The following ZNF521 variants were observed in gnomAD, a reference collection of about 807,000 sequenced individuals.
The protein encoded by ZNF521 is LYST-interacting protein 3.
In ZNF521, 14 loss-of-function variants were observed where a neutral mutation model predicts 105.5. The ratio of observed to expected loss-of-function variants is 0.13; its 90% CI spans 0.09 to 0.21. The LOEUF (loss-of-function observed/expected upper bound fraction) is 0.21. Among genes scored for constraint, ZNF521 ranks in the 10% least tolerant of loss-of-function variants. The pLI, the probability that ZNF521 is intolerant of heterozygous loss-of-function variation, is 1.00. For synonymous variants in ZNF521, 635 were observed against 606.0 expected, an observed-to-expected ratio of 1.05 and a Z score of -0.70; for missense variants, 1,233 against 1,629.7, an observed-to-expected ratio of 0.76 and a Z score of 4.19.
At chr18:25,271,448 C>T (rs1243952100) in intron 3 of ZNF521, among the ~76,000 whole-genome samples, 1 of 152,146 alleles carries the variant, frequency 6.6e-6, no homozygotes, top group Non-Finnish European at 1.5e-5. Context: ...AAAAAAGAGC[C>T]TGCATAGCCA....
In ZNF521 at chr18:25,224,864, T is replaced by C. The variant is rs776935828; in HGVS notation, c.3054A>G (p.Thr1018=). Reference sequence around the variant, plus strand: ...GCATGCACACCACGCAGCGAAAGCCTGTCAGGGAATTCCTCAAGTCAGGGT... The same window carrying C: ...GCATGCACACCACGCAGCGAAAGCCCGTCAGGGAATTCCTCAAGTCAGGGT... The part of the protein sequence containing the change: ...QMHPDLRNSL[T]GFRCVVCMQT... The change falls in exon 4 of 8, where the codon ACA becomes ACG. Residue 1018 remains threonine, a synonymous_variant. Transcript: ENST00000361524. 206 of 1,613,930 alleles carry C rather than the reference T, an allele frequency of 1.3e-4. 1 individual carries two copies. In the South Asian group the frequency reaches 2.1e-3, roughly 17 times the overall value.
rs866371727 is a variant in ZNF521, at chr18:25,242,384, T to C, written c.221-14687A>G. 3.3e-5 allele frequency among the ~76,000 whole-genome samples: 5 copies of C among 152,166 alleles called. 1 individual carries two copies. The South Asian group carries it at 1.0e-3, about 31-fold the overall frequency. ...AATTTTACCCTACAAATTTTCAGCC[T>C]TCAAGAGACGTAATCAAAAAGTTCA... On this transcript the variant is annotated intron_variant, in intron 3 of 7. Coordinates refer to ENST00000361524, the MANE Select transcript of ZNF521 (RefSeq NM_015461.3).
At chr18:25,107,214 A>G (rs1191982194) in intron 5 of ZNF521, among the ~76,000 whole-genome samples, 1 of 152,234 alleles carries the variant, frequency 6.6e-6, no homozygotes, top group Non-Finnish European at 1.5e-5. Flanking sequence ...AGACTCAATC[A>G]AAATAACATA....
At chr18:25,332,263 C>T (rs1913617348) in intron 2 of ZNF521, among the ~76,000 whole-genome samples, 3 of 148,104 alleles carry the variant, frequency 2.0e-5, no homozygotes, top group African/African-American at 7.5e-5. Flanking sequence ...GCCTTGGTAA[C>T]ATGATGACTC....
chr18:25,242,530 T>C (rs944102189), intron 3 of ZNF521, among the ~76,000 whole-genome samples: 1 of 152,206 alleles, frequency 6.6e-6, no homozygotes, highest in African/African-American at 2.4e-5. Context: ...TCTAGGAATA[T>C]ATTATTTTTT....
chr18:25,170,463 T>C (rs1189016170), intron 5 of ZNF521, among the ~76,000 whole-genome samples: 1 of 152,184 alleles, frequency 6.6e-6, no homozygotes, highest in African/African-American at 2.4e-5. Context: ...AAAGTTGTTT[T>C]TAATATAAAT....
intron 3 of ZNF521, among the ~76,000 whole-genome samples, chr18:25,238,160 C>T (rs185316484): frequency 6.6e-6 from 1 of 152,274 alleles, no homozygotes; most frequent in Admixed American, 6.5e-5. Flanking sequence ...AACTCTCCTC[C>T]ACTAAAACAA....
At chr18:25,342,674 C>A (rs752578625) in intron 2 of ZNF521, among the ~76,000 whole-genome samples, 9 of 151,926 alleles carry the variant, frequency 5.9e-5, no homozygotes, top group Admixed American at 5.9e-4. Flanking sequence ...GTGATCCGCC[C>A]GCCTCGGCCT....
intron 5 of ZNF521, among the ~76,000 whole-genome samples, chr18:25,117,758 T>A (rs1567969215): frequency 6.6e-6 from 1 of 151,902 alleles, no homozygotes; most frequent in Non-Finnish European, 1.5e-5. Flanking sequence ...CAATAACCAG[T>A]AGGATAATAT....
chr18:25,067,131 T>C (rs1354449365), intron 7 of ZNF521, among the ~76,000 whole-genome samples: 4 of 151,972 alleles, frequency 2.6e-5, no homozygotes, highest in African/African-American at 9.7e-5. Context: ...TCTAAGTAAC[T>C]GAAAATTGCA....
intron 3 of ZNF521, among the ~76,000 whole-genome samples, chr18:25,319,039 T>C (rs906538170): frequency 2.0e-5 from 3 of 152,042 alleles, no homozygotes; most frequent in African/African-American, 7.2e-5. Flanking sequence ...GGAGCATCTA[T>C]TTGCATCAGA....
intron 5 of ZNF521, among the ~76,000 whole-genome samples, chr18:25,135,423 A>C (rs886967634): frequency 2.6e-5 from 4 of 151,980 alleles, no homozygotes; most frequent in Non-Finnish European, 5.9e-5. Context: ...TTGGGTTGGA[A>C]GGATGATGGG....
chr18:25,179,089 A>C (rs1409117668), intron 5 of ZNF521, among the ~76,000 whole-genome samples: 2 of 101,326 alleles, frequency 2.0e-5, no homozygotes, highest in Non-Finnish European at 4.3e-5. Context: ...TGTATTTCTT[A>C]TGACTTATAC....
intron 3 of ZNF521, among the ~76,000 whole-genome samples, chr18:25,319,818 C>T (rs571850719): frequency 1.6e-4 from 25 of 152,140 alleles, no homozygotes; most frequent in Non-Finnish European, 2.8e-4. Flanking sequence ...ATCTGATGCA[C>T]TGAGAAGGGT....
chr18:25,097,488 T>C (rs1201364150), intron 5 of ZNF521, among the ~76,000 whole-genome samples: 1 of 151,892 alleles, frequency 6.6e-6, no homozygotes, highest in Non-Finnish European at 1.5e-5. Context: ...GCCATGAAAA[T>C]GAATGCAGCC....
chr18:25,320,867 A>G (rs966089729), intron 3 of ZNF521, among the ~76,000 whole-genome samples: 7 of 152,208 alleles, frequency 4.6e-5, no homozygotes, highest in African/African-American at 1.7e-4. Flanking sequence ...TCTGAAAGGA[A>G]GATGATTCTG....
intron 3 of ZNF521, among the ~76,000 whole-genome samples, chr18:25,298,841 TCA>T (rs890033411): frequency 5.3e-5 from 8 of 152,144 alleles, no homozygotes; most frequent in Admixed American, 3.9e-4. Context: ...ACCTATAGCT[TCA>T]CAGAGTGAAA....
intron 3 of ZNF521, among the ~76,000 whole-genome samples, chr18:25,287,380 T>C (rs1275936149): frequency 6.6e-6 from 1 of 152,236 alleles, no homozygotes; most frequent in Admixed American, 6.5e-5. Context: ...GTGTACTTAT[T>C]ACAGGACTGT....
chr18:25,237,531 T>C (rs1022797900), intron 3 of ZNF521, among the ~76,000 whole-genome samples: 3 of 152,256 alleles, frequency 2.0e-5, no homozygotes, highest in South Asian at 2.1e-4. Flanking sequence ...AACCCCATGA[T>C]ACCTCCACAT....
Sources: gnomAD v4.1 joint callset for allele counts (sites outside exome capture counted in the v4.1 genomes callset) on GRCh38, gnomAD v4.1.1 for gene constraint, MANE v1.5 for transcripts, NCBI Gene and HGNC (gene_info 2026-07-23, HGNC 2026-07-21) for gene names.